The following MDGA2 variants were observed in gnomAD, a reference collection of about 807,000 sequenced individuals.
MDGA2 encodes the protein MAM domain-containing glycosylphosphatidylinositol anchor protein 2.
A neutral mutation model predicts 117.8 loss-of-function variants in MDGA2; 40 were observed. The observed-to-expected ratio is 0.34, with a 90% CI of 0.26 to 0.44. The LOEUF is 0.44. MDGA2 is among the 20% of genes least tolerant of loss of function. MDGA2 has a pLI of 1.00. For synonymous variants in MDGA2, 452 were observed against 439.0 expected (o/e 1.03, Z -0.37); for missense variants, 1,123 against 1,250.6 (o/e 0.90, Z 1.54).
intron 1 of MDGA2, among the ~76,000 whole-genome samples, chr14:47,468,277 A>C (rs932708066): frequency 1.3e-5 from 2 of 152,182 alleles, no homozygotes; most frequent in Non-Finnish European, 2.9e-5. Context: ...CAAAGAAAGA[A>C]AAGAGTAATG....
At chr14:47,102,447 G>A (rs931157602) in intron 5 of MDGA2, among the ~76,000 whole-genome samples, 2 of 151,104 alleles carry the variant, frequency 1.3e-5, no homozygotes, top group Non-Finnish European at 2.9e-5. Flanking sequence ...CAGAATAAAC[G>A]CCAATTTTAA....
chr14:47,292,377 C>T (rs1251692703), intron 2 of MDGA2, among the ~76,000 whole-genome samples: 1 of 152,096 alleles, frequency 6.6e-6, no homozygotes, highest in Non-Finnish European at 1.5e-5. Flanking sequence ...CTGCTTGTTG[C>T]TAAGTATGTT....
intron 6 of MDGA2, among the ~76,000 whole-genome samples, chr14:47,065,805 A>T (rs1890059224): frequency 6.6e-6 from 1 of 152,220 alleles, no homozygotes; most frequent in South Asian, 2.1e-4. Context: ...AATGTAAGAT[A>T]CAGAGTGACC....
chr14:47,116,868 T>C (rs1038097609), intron 5 of MDGA2, among the ~76,000 whole-genome samples: 2 of 150,528 alleles, frequency 1.3e-5, no homozygotes, highest in African/African-American at 4.9e-5. Context: ...TTCATAGATA[T>C]AACACAAAAG....
At chr14:46,994,695 T>C (rs1887221922) in intron 8 of MDGA2, among the ~76,000 whole-genome samples, 1 of 152,184 alleles carries the variant, frequency 6.6e-6, no homozygotes, top group Non-Finnish European at 1.5e-5. Context: ...AAATGGATTT[T>C]AATAGTCAAT....
intron 1 of MDGA2, among the ~76,000 whole-genome samples, chr14:47,490,226 G>A (rs1894141473): frequency 6.6e-6 from 1 of 152,030 alleles, no homozygotes. Flanking sequence ...AGTTTTCTGT[G>A]CTTGTTACTG....
chr14:47,559,417 G>C (rs191201943), intron 1 of MDGA2, among the ~76,000 whole-genome samples: 30 of 152,220 alleles, frequency 2.0e-4, no homozygotes, highest in Non-Finnish European at 3.4e-4. Context: ...AAAGCGCAAA[G>C]GACATGATCT....
At chr14:47,236,304 A>C (rs928701408) in intron 2 of MDGA2, among the ~76,000 whole-genome samples, 7 of 151,480 alleles carry the variant, frequency 4.6e-5, no homozygotes, top group Admixed American at 1.3e-4. Flanking sequence ...AAAAAAAAAA[A>C]AAAAAAAAAC....
intron 1 of MDGA2, among the ~76,000 whole-genome samples, chr14:47,582,032 T>A (rs1321096672): frequency 6.6e-6 from 1 of 151,980 alleles, no homozygotes; most frequent in Non-Finnish European, 1.5e-5. Flanking sequence ...AATAATATTA[T>A]CTATCTCATA....
chr14:47,335,747 T>TATATATACAC (rs1055245438), intron 1 of MDGA2, among the ~76,000 whole-genome samples: 1,302 of 68,652 alleles, frequency 0.019, 106 homozygotes, highest in African/African-American at 0.053. Context: ...TATATATATA[T>TATATATACAC]ACATACATAC....
chr14:47,181,565 C>G (rs970701496), intron 3 of MDGA2, among the ~76,000 whole-genome samples: 1 of 152,178 alleles, frequency 6.6e-6, no homozygotes, highest in Non-Finnish European at 1.5e-5. Context: ...TTTACTTAAT[C>G]ACAAATACAT....
At chr14:47,143,269 G>C (rs574451449) in intron 4 of MDGA2, among the ~76,000 whole-genome samples, 2 of 152,002 alleles carry the variant, frequency 1.3e-5, no homozygotes, top group Non-Finnish European at 2.9e-5. Flanking sequence ...GAGCCACCAC[G>C]CCTAGCCAAT....
intron 10 of MDGA2, among the ~76,000 whole-genome samples, chr14:46,887,219 G>C (rs1170145070): frequency 1.3e-5 from 2 of 151,844 alleles, no homozygotes; most frequent in East Asian, 3.9e-4. Context: ...TATTTTAACT[G>C]TCTTATACCT....
At chr14:47,234,375 A>G (rs1425730149) in intron 2 of MDGA2, among the ~76,000 whole-genome samples, 2 of 152,056 alleles carry the variant, frequency 1.3e-5, no homozygotes, top group African/African-American at 2.4e-5. Flanking sequence ...TCAATTATCA[A>G]TTAAGGTTTG....
intron 1 of MDGA2, among the ~76,000 whole-genome samples, chr14:47,459,114 G>A (rs1339627131): frequency 6.6e-6 from 1 of 151,742 alleles, no homozygotes; most frequent in African/African-American, 2.4e-5. Flanking sequence ...ATTTTATGCT[G>A]GAAATACACC....
chr14:47,667,004 A>G (rs1897986281), intron 1 of MDGA2, among the ~76,000 whole-genome samples: 1 of 152,188 alleles, frequency 6.6e-6, no homozygotes. Flanking sequence ...TCCAAACATC[A>G]GAAGGAACAA....
intron 5 of MDGA2, among the ~76,000 whole-genome samples, chr14:47,128,921 C>A (rs1422882972): frequency 1.3e-5 from 2 of 151,958 alleles, no homozygotes; most frequent in Non-Finnish European, 2.9e-5. Context: ...AATCTCCTGA[C>A]CTCGTGATCT....
intron 1 of MDGA2, among the ~76,000 whole-genome samples, chr14:47,473,559 C>A (rs955199169): frequency 6.6e-6 from 1 of 151,778 alleles, no homozygotes; most frequent in African/African-American, 2.4e-5. Context: ...ATGTAAAAAA[C>A]ACTATGAAGA....
At chr14:47,630,336 G>A (rs1897232814) in intron 1 of MDGA2, among the ~76,000 whole-genome samples, 1 of 152,084 alleles carries the variant, frequency 6.6e-6, no homozygotes, top group Admixed American at 6.5e-5. Context: ...TAAATTTTTA[G>A]CTTGTAATTT....
Sources: gnomAD v4.1 joint callset for allele counts (sites outside exome capture counted in the v4.1 genomes callset) on GRCh38, gnomAD v4.1.1 for gene constraint, MANE v1.5 for transcripts, NCBI Gene and HGNC (gene_info 2026-07-23, HGNC 2026-07-21) for gene names.